Variants in NKX1-2 observed in about 807,000 individuals in gnomAD.
NKX1-2 encodes the protein NK1 transcription factor-related protein 2.
In NKX1-2, 1 loss-of-function variant was observed where a neutral mutation model predicts 4.4. That is an observed-to-expected ratio of 0.23 (90% confidence interval 0.08 to 1.08). NKX1-2 has a LOEUF of 1.08. Ranked by LOEUF, NKX1-2 falls within the 50% of genes least tolerant of loss-of-function variation. NKX1-2 has a pLI of 0.55. For synonymous variants in NKX1-2, 235 were observed against 228.0 expected (o/e 1.03, Z -0.28); for missense variants, 503 against 464.6 (o/e 1.08, Z -0.76).
In NKX1-2 at chr10:124,449,994, C is replaced by A; in HGVS notation, c.-51G>T. 1 of 1,390,876 alleles carries A rather than the reference C, an allele frequency of 7.2e-7. No individual in the cohort carries two copies. Among genetic ancestry groups the A allele is most frequent in the South Asian group, 1.4e-5 (1 of 70,284 alleles). 86.2% of individuals were successfully genotyped at this position (1,390,876 alleles called of 1,614,324 possible). On this transcript the variant is annotated 5_prime_UTR_variant, in exon 1 of 2. Transcript: ENST00000451024. The surrounding 1 kb of genome is among the most constrained non-coding windows in gnomAD (Gnocchi z 7.5). ...GGCGGCGCGGGGTTGGGGATGGCGCCGCTCGGGCTTGCCTTCGGCTGTGGC... is the reference window on the plus strand; with the variant it reads ...GGCGGCGCGGGGTTGGGGATGGCGCAGCTCGGGCTTGCCTTCGGCTGTGGC...
chr10:124,448,095 C>A lies in NKX1-2; in HGVS notation c.267G>T (p.Ala89=), dbSNP rs1952263507. 3 of 1,519,456 alleles carry A rather than the reference C, an allele frequency of 2.0e-6. No individual in the cohort carries two copies. Among genetic ancestry groups the A allele is most frequent in the Non-Finnish European group, 2.6e-6 (3 of 1,138,702 alleles). The allele number at this position is 1,519,456 out of a possible 1,614,324, so 94.1% of individuals were successfully genotyped here. A position where few individuals can be genotyped will look rare whatever the true frequency, so the allele number is the denominator to read the frequency against. ...GATCCTCCGCATCCTCCTCCTCTTC[C>A]GCCTCGGAACCCTCCAGGGGGGACG... is the stretch of plus-strand genomic sequence containing the variant. ...GQASPLEGSE[A]EEEEDAEDPR... Residue 89 remains alanine (A), a synonymous_variant, in exon 2 of 2, where the codon GCG becomes GCT. Transcript: ENST00000451024. This position sits in a 1 kb window ranked among gnomAD's most constrained non-coding sequence, Gnocchi z 4.1.
chr10:124,448,110 CA>C lies in NKX1-2; in HGVS notation c.251del (p.Leu84ArgfsTer31), dbSNP rs1212348500. On this transcript the variant is annotated frameshift_variant, in exon 2 of 2. Coordinates refer to ENST00000451024, the MANE Select transcript of NKX1-2 (RefSeq NM_001146340.3). LOFTEE classifies it low-confidence loss of function (END_TRUNC). This position sits in a 1 kb window ranked among gnomAD's most constrained non-coding sequence, Gnocchi z 4.1. ...CCTCCTCTTCCGCCTCGGAACCCTC[CA>C]GGGGGGACGCCTGGCCGGCGCCTGG... ...AGPGAGQASP[L>X]EGSEAEEEED... 11 of 1,511,508 alleles carry C rather than the reference CA, an allele frequency of 7.3e-6. No homozygotes were observed. The highest frequency in any genetic ancestry group is 9.7e-6 in the Non-Finnish European group (11 of 1,135,894). 93.6% of individuals were successfully genotyped at this position (1,511,508 alleles called of 1,614,324 possible).
rs1952233205 is a variant in NKX1-2, at chr10:124,445,828, T to C, written c.*1601A>G. 6.6e-6 allele frequency: 1 copy of C among 152,190 alleles called. No homozygotes were observed. The highest frequency in any genetic ancestry group is 1.5e-5 in the Non-Finnish European group (1 of 68,036). 9.4% of individuals were successfully genotyped at this position (152,190 alleles called of 1,614,324 possible). A position where few individuals can be genotyped will look rare whatever the true frequency, so the allele number is the denominator to read the frequency against. On this transcript the variant is annotated 3_prime_UTR_variant, in exon 2 of 2. Transcript: ENST00000451024. ...TATGAGAGTCACATGAACCATGAAG[T>C]CTTCACTTAATTTAGGAGAAATGGG...
chr10:124,447,799 A>G lies in NKX1-2; in HGVS notation c.563T>C (p.Leu188Pro), dbSNP rs1364807938. The change falls in exon 2 of 2, where the codon CTG becomes CCG. Residue 188 changes from leucine to proline, a missense_variant. Coordinates refer to ENST00000451024, the MANE Select transcript of NKX1-2 (RefSeq NM_001146340.3). ...LENKFRATRY[L>P]SVCERLNLAL... is the part of the protein sequence containing the mutation. ...GAGGTTCAGGCGCTCGCACACTGAC[A>G]GGTAGCGCGTGGCCCGGAACTTGTT... 21 of 1,480,952 alleles carry G rather than the reference A, an allele frequency of 1.4e-5. No homozygotes were observed. Among genetic ancestry groups the G allele is most frequent in the Non-Finnish European group, 1.8e-5 (20 of 1,109,318 alleles). The allele number at this position is 1,480,952 out of a possible 1,614,324, so 91.7% of individuals were successfully genotyped here. A position where few individuals can be genotyped will look rare whatever the true frequency, so the allele number is the denominator to read the frequency against.
At position 124,448,354 on chromosome 10, in the gene NKX1-2, A is replaced by G. The variant is rs1443438973; in HGVS notation, c.215-207T>C. On this transcript the variant is annotated intron_variant, in intron 1 of 1. Transcript: ENST00000451024. The surrounding 1 kb of genome is among the most constrained non-coding windows in gnomAD (Gnocchi z 4.1). ...CTTGCCCTTTACAAATCTGCCATCA[A>G]GTAGGCGTCCAAGAAATGTACGCCA... The G allele has an allele frequency of 1.4e-6, 1 of 720,522 alleles. No individual in the cohort carries two copies. Among genetic ancestry groups the G allele is most frequent in the Non-Finnish European group, 1.9e-6 (1 of 518,608 alleles). 44.6% of individuals were successfully genotyped at this position (720,522 alleles called of 1,614,324 possible). A position where few individuals can be genotyped will look rare whatever the true frequency, so the allele number is the denominator to read the frequency against.
In NKX1-2 at chr10:124,447,436, C is replaced by A. The variant is rs1222603833; in HGVS notation, c.926G>T (p.Arg309Leu). Residue 309 changes from arginine (R) to leucine (L), a missense_variant, in exon 2 of 2, where the codon CGT (arginine) becomes CTT (leucine). Physicochemically the swap from Arg to Leu is moderately radical, Grantham distance 102 (BLOSUM62 -2). Transcript: ENST00000451024. ...GGCCAGGGGGCTCCGGATTCATAGACGCGGGGCGTAGAAGGGGGTCAGGTA... is the reference window on the plus strand; with the variant it reads ...GGCCAGGGGGCTCCGGATTCATAGAAGCGGGGCGTAGAAGGGGGTCAGGTA... ...PSYLTPFYAP[R>L]L 1.6e-6 allele frequency: 2 copies of A among 1,249,818 alleles called. No individual in the cohort carries two copies. Among genetic ancestry groups the A allele is most frequent in the Non-Finnish European group, 2.0e-6 (2 of 989,434 alleles). 77.4% of individuals were successfully genotyped at this position (1,249,818 alleles called of 1,614,324 possible).
At position 124,449,844 on chromosome 10, in the gene NKX1-2, C is replaced by A; in HGVS notation, c.100G>T (p.Ala34Ser). The change falls in exon 1 of 2, where the codon GCA becomes TCA. Residue 34 changes from alanine (A) to serine (S), a missense_variant. Ala to Ser is a moderately conservative substitution (Grantham distance 99). Transcript: ENST00000451024. The surrounding 1 kb of genome is among the most constrained non-coding windows in gnomAD (Gnocchi z 7.5). ...GCCGGGCGCACGGCAGGGAGCGCTG[C>A]GCGGGTGAATTTCTGTGGGTCCAGG... ...DILDPQKFTR[A>S]ALPAVRPAPR... 2 of 1,551,630 alleles carry A rather than the reference C, an allele frequency of 1.3e-6. No individual in the cohort carries two copies. Among genetic ancestry groups the A allele is most frequent in the Non-Finnish European group, 1.7e-6 (2 of 1,146,952 alleles).
rs780189115 is a variant in NKX1-2 at position 124,447,753 on chromosome 10, G to A, written c.609C>T (p.Thr203=). 3 of 1,479,310 alleles carry A rather than the reference G, an allele frequency of 2.0e-6. No individual in the cohort carries two copies. The highest frequency in any genetic ancestry group is 2.6e-5 in the South Asian group (2 of 76,100). 91.6% of individuals were successfully genotyped at this position (1,479,310 alleles called of 1,614,324 possible). A position where few individuals can be genotyped will look rare whatever the true frequency, so the allele number is the denominator to read the frequency against. Residue 203 remains threonine (T), a synonymous_variant, in exon 2 of 2, where the codon ACC becomes ACT. Coordinates refer to ENST00000451024, the MANE Select transcript of NKX1-2 (RefSeq NM_001146340.3). Reference sequence around the variant, plus strand: ...GGAACCAGATTTTGACCTGCGTCTCGGTGAGGCTGAGAGACAGCGCGAGGT... The same window carrying A: ...GGAACCAGATTTTGACCTGCGTCTCAGTGAGGCTGAGAGACAGCGCGAGGT... ...RLNLALSLSL[T]ETQVKIWFQN...
chr10:124,448,026 C>T lies in NKX1-2; in HGVS notation c.336G>A (p.Pro112=), dbSNP rs910754477. 27 of 1,514,740 alleles carry T rather than the reference C, an allele frequency of 1.8e-5. No homozygotes were observed. The highest frequency in any genetic ancestry group is 1.1e-4 in the East Asian group (4 of 37,560). 93.8% of individuals were successfully genotyped at this position (1,514,740 alleles called of 1,614,324 possible). A position where few individuals can be genotyped will look rare whatever the true frequency, so the allele number is the denominator to read the frequency against. The change falls in exon 2 of 2, where the codon CCG becomes CCA. Residue 112 remains proline (P), a synonymous_variant. Transcript: ENST00000451024. The surrounding 1 kb of genome is among the most constrained non-coding windows in gnomAD (Gnocchi z 4.1). ...RLRERAARLL[P]GLARSPDAPA... ...GGGCGTCAGGTGAGCGCGCTAGGCCCGGCAGCAAGCGCGCAGCCCGCTCCC... is the reference window on the plus strand; with the variant it reads ...GGGCGTCAGGTGAGCGCGCTAGGCCTGGCAGCAAGCGCGCAGCCCGCTCCC...
At position 124,447,058 on chromosome 10, in the gene NKX1-2, G is replaced by C. The variant is rs1177419437; in HGVS notation, c.*371C>G. 5.8e-6 allele frequency: 1 copy of C among 172,386 alleles called. No homozygotes were observed. Among genetic ancestry groups the C allele is most frequent in the African/African-American group, 2.4e-5 (1 of 42,370 alleles). 10.7% of individuals were successfully genotyped at this position (172,386 alleles called of 1,614,324 possible). On this transcript the variant is annotated 3_prime_UTR_variant, in exon 2 of 2. Transcript: ENST00000451024. ...CTCTGATGAGCCAGCACCTTTAAAG[G>C]TTCCATCCTAGCCGCCAGCAGCTGG... is the stretch of plus-strand genomic sequence containing the variant.
chr10:124,447,633 GC>G lies in NKX1-2; in HGVS notation c.728del (p.Gly243AlafsTer42). ...TGCCCCCCGAGCCGCCGCCGCCGCC[GC>G]CCCCCGCCGCCCCTGGCTGGGGCGC... is the stretch of plus-strand genomic sequence containing the variant. Reference protein sequence around the residue: ...GGAPQPGAAGGGGGGGSGGSP... With the variant: ...GGAPQPGAAGXGGGGGSGGSP... On this transcript the variant is annotated frameshift_variant, in exon 2 of 2. Coordinates refer to ENST00000451024, the MANE Select transcript of NKX1-2 (RefSeq NM_001146340.3). LOFTEE classifies it low-confidence loss of function (END_TRUNC). 6 of 1,280,872 alleles carry G rather than the reference GC, an allele frequency of 4.7e-6. No homozygotes were observed. Among genetic ancestry groups the G allele is most frequent in the East Asian group, 3.1e-5 (1 of 31,998 alleles). The allele number at this position is 1,280,872 out of a possible 1,614,324, so 79.3% of individuals were successfully genotyped here. A position where few individuals can be genotyped will look rare whatever the true frequency, so the allele number is the denominator to read the frequency against.
At position 124,449,403 on chromosome 10, in the gene NKX1-2, G is replaced by T. The variant is rs754981479; in HGVS notation, c.214+327C>A. 2.0e-5 allele frequency: 12 copies of T among 587,112 alleles called. No individual in the cohort carries two copies. The highest frequency in any genetic ancestry group is 5.5e-5 in the African/African-American group (3 of 54,838). 36.4% of individuals were successfully genotyped at this position (587,112 alleles called of 1,614,324 possible). A position where few individuals can be genotyped will look rare whatever the true frequency, so the allele number is the denominator to read the frequency against. On this transcript the variant is annotated intron_variant, in intron 1 of 1. Coordinates refer to ENST00000451024, the MANE Select transcript of NKX1-2 (RefSeq NM_001146340.3). This position sits in a 1 kb window ranked among gnomAD's most constrained non-coding sequence, Gnocchi z 7.5. Reference sequence around the variant, plus strand: ...CAGCCCTTAGCCCAGGTCCTAGCACGTGGCAAGCGCATTAAATGCCCGATA... The same window carrying T: ...CAGCCCTTAGCCCAGGTCCTAGCACTTGGCAAGCGCATTAAATGCCCGATA...
Position 124,448,205 on chromosome 10 carries a change from G to A in NKX1-2, c.215-58C>T. On this transcript the variant is annotated intron_variant, in intron 1 of 1. Coordinates refer to ENST00000451024, the MANE Select transcript of NKX1-2 (RefSeq NM_001146340.3). This position sits in a 1 kb window ranked among gnomAD's most constrained non-coding sequence, Gnocchi z 4.1. ...CTCCAGGTCCCCAAACCTCGTCCTC[G>A]TCCTCCCTAGAGCAAGCAGCTGTCC... 7.2e-7 allele frequency: 1 copy of A among 1,386,414 alleles called. No individual in the cohort carries two copies. The highest frequency in any genetic ancestry group is 1.6e-5 in the South Asian group (1 of 62,088). 85.9% of individuals were successfully genotyped at this position (1,386,414 alleles called of 1,614,324 possible). A position where few individuals can be genotyped will look rare whatever the true frequency, so the allele number is the denominator to read the frequency against.
At position 124,448,315 on chromosome 10, in the gene NKX1-2, G is replaced by A; in HGVS notation, c.215-168C>T. The A allele has an allele frequency of 1.7e-6, 2 of 1,143,482 alleles. No individual in the cohort carries two copies. Among genetic ancestry groups the A allele is most frequent in the Admixed American group, 4.1e-5 (1 of 24,170 alleles). The allele number at this position is 1,143,482 out of a possible 1,614,324, so 70.8% of individuals were successfully genotyped here. A position where few individuals can be genotyped will look rare whatever the true frequency, so the allele number is the denominator to read the frequency against. On this transcript the variant is annotated intron_variant, in intron 1 of 1. Coordinates refer to ENST00000451024, the MANE Select transcript of NKX1-2 (RefSeq NM_001146340.3). The surrounding 1 kb of genome is among the most constrained non-coding windows in gnomAD (Gnocchi z 4.1). ...TACACATCCTCGCCAGCGGGTTTAG[G>A]GGAATGGTGTCCTCTTGCCCTTTAC...
chr10:124,448,179 T>G lies in NKX1-2; in HGVS notation c.215-32A>C, dbSNP rs1252985917. 7.1e-7 allele frequency: 1 copy of G among 1,406,018 alleles called. No individual in the cohort carries two copies. Among genetic ancestry groups the G allele is most frequent in the East Asian group, 3.0e-5 (1 of 33,250 alleles). 87.1% of individuals were successfully genotyped at this position (1,406,018 alleles called of 1,614,324 possible). ...GAGAAGGGGTCGGTGAACAGAAGCC[T>G]CTCCAGGTCCCCAAACCTCGTCCTC... On this transcript the variant is annotated intron_variant, in intron 1 of 1. Coordinates refer to ENST00000451024, the MANE Select transcript of NKX1-2 (RefSeq NM_001146340.3). This position sits in a 1 kb window ranked among gnomAD's most constrained non-coding sequence, Gnocchi z 4.1.
At position 124,445,328 on chromosome 10, in the gene NKX1-2, C is replaced by T. The variant is rs2133789977; in HGVS notation, c.*2101G>A. The T allele has an allele frequency of 6.6e-6, 1 of 152,324 alleles. No individual in the cohort carries two copies. Among genetic ancestry groups the T allele is most frequent in the South Asian group, 2.1e-4 (1 of 4,824 alleles). 9.4% of individuals were successfully genotyped at this position (152,324 alleles called of 1,614,324 possible). A position where few individuals can be genotyped will look rare whatever the true frequency, so the allele number is the denominator to read the frequency against. On this transcript the variant is annotated 3_prime_UTR_variant, in exon 2 of 2. Transcript: ENST00000451024. ...TGGAAAGCCACTGGGCCTTTTAAAGCAGCAGAAGTCCAAAGTCACACGCTT... is the reference window on the plus strand; with the variant it reads ...TGGAAAGCCACTGGGCCTTTTAAAGTAGCAGAAGTCCAAAGTCACACGCTT...
Position 124,445,315 on chromosome 10 carries a change from G to A in NKX1-2, c.*2114C>T, listed in dbSNP as rs935683499. The A allele has an allele frequency of 4.6e-5, 7 of 152,134 alleles. No homozygotes were observed. Among genetic ancestry groups the A allele is most frequent in the South Asian group, 2.1e-4 (1 of 4,828 alleles). 9.4% of individuals were successfully genotyped at this position (152,134 alleles called of 1,614,324 possible). The stretch of plus-strand genomic sequence containing the variant: ...CTAAGGATTTGGTTGGAAAGCCACT[G>A]GGCCTTTTAAAGCAGCAGAAGTCCA... On this transcript the variant is annotated 3_prime_UTR_variant, in exon 2 of 2. Transcript: ENST00000451024.
In NKX1-2 at chr10:124,447,593, CGGGA is replaced by C; in HGVS notation, c.765_768del (p.Pro256AlafsTer28). The C allele has an allele frequency of 7.9e-7, 1 of 1,270,894 alleles. No homozygotes were observed. Among genetic ancestry groups the C allele is most frequent in the Non-Finnish European group, 9.9e-7 (1 of 1,007,462 alleles). The allele number at this position is 1,270,894 out of a possible 1,614,324, so 78.7% of individuals were successfully genotyped here. On this transcript the variant is annotated frameshift_variant, in exon 2 of 2. Transcript: ENST00000451024. LOFTEE classifies it low-confidence loss of function (END_TRUNC). ...GTCTGGAAGTGCAGAGCGCCGGTGC[CGGGA>C]GGGCCAGGACTGCCCCCCGAGCCGC... is the stretch of plus-strand genomic sequence containing the variant.
chr10:124,449,283 C>T lies in NKX1-2; in HGVS notation c.214+447G>A, dbSNP rs1487609878. ...TCGCTACTCACGAAGACCCCCGGCG[C>T]AAGCCTTAGCGTCAGCTCCCCCATC... On this transcript the variant is annotated intron_variant, in intron 1 of 1. Coordinates refer to ENST00000451024, the MANE Select transcript of NKX1-2 (RefSeq NM_001146340.3). This position sits in a 1 kb window ranked among gnomAD's most constrained non-coding sequence, Gnocchi z 7.5. Among the ~76,000 whole-genome samples, 1 of 152,200 alleles carries T rather than the reference C, an allele frequency of 6.6e-6. No individual in the cohort carries two copies. The highest frequency in any genetic ancestry group is 1.5e-5 in the Non-Finnish European group (1 of 68,038).
Sources: allele counts gnomAD v4.1 joint callset (sites outside exome capture counted in the v4.1 genomes callset), GRCh38; gene constraint gnomAD v4.1.1; non-coding constraint Gnocchi (gnomAD v3.1); transcripts MANE v1.5; gene names NCBI Gene and HGNC (gene_info 2026-07-23, HGNC 2026-07-21).